Variants in SEPTIN4 observed in about 807,000 individuals in gnomAD.
The protein encoded by SEPTIN4 is septin 4, also known as septin-4.
Under a neutral mutation model 107.1 loss-of-function variants are expected in SEPTIN4, and 52 were observed. The ratio of observed to expected loss-of-function variants is 0.49; its 90% CI spans 0.39 to 0.61. SEPTIN4 has a LOEUF of 0.61. Ranked by LOEUF, SEPTIN4 falls within the 20% of genes least tolerant of loss-of-function variation. SEPTIN4 has a pLI of 0.00. For missense variants in SEPTIN4, 1,048 were observed against 1,243.5 expected (o/e 0.84, Z 2.36); for synonymous variants, 417 against 467.0 (o/e 0.89, Z 1.38).
intron 3 of SEPTIN4, chr17:58,532,117 C>T (rs1377932736): frequency 1.9e-6 from 2 of 1,052,442 alleles, no homozygotes; most frequent in Non-Finnish European, 2.3e-6. Context: ...CGGAGCGAGT[C>T]GGCCCCGGGG....
Position 58,525,204 on chromosome 17 carries a change from G to GGAGAAGGGGAAA in SEPTIN4, c.2093-4_2093-3insTTTCCCCTTCTC, listed in dbSNP as rs1387889289. ...CTCCACAGTTTGCATGATCCTCTCT[G>GGAGAAGGGGAAA]GAGAAAGGGGAAACTGAGGCCAGGG... On this transcript the variant is annotated splice_polypyrimidine_tract_variant and splice_region_variant and intron_variant, in intron 6 of 13. Transcript: ENST00000672673. 6 of 1,613,576 alleles carry GGAGAAGGGGAAA rather than the reference G, an allele frequency of 3.7e-6. No individual in the cohort carries two copies. Among genetic ancestry groups the GGAGAAGGGGAAA allele is most frequent in the Middle Eastern group, 1.7e-4 (1 of 5,766 alleles).
rs766224572 is a variant in SEPTIN4 at position 58,526,989 on chromosome 17, CG to C, written c.1615-12del. On this transcript the variant is annotated splice_polypyrimidine_tract_variant and intron_variant, in intron 3 of 13. Transcript: ENST00000672673. The stretch of plus-strand genomic sequence containing the variant: ...CAGGAAACGCTTGATCTGGGGGAAG[CG>C]GGGTGGGTAGAATAGATGGGTGGTG... The C allele has an allele frequency of 7.4e-6, 12 of 1,613,202 alleles. No homozygotes were observed. The highest frequency in any genetic ancestry group is 1.0e-5 in the Non-Finnish European group (12 of 1,179,850).
Position 58,543,179 on chromosome 17 carries a change from G to T in SEPTIN4, c.1008C>A (p.Thr336=). 1 of 1,614,064 alleles carries T rather than the reference G, an allele frequency of 6.2e-7. No individual in the cohort carries two copies. Among genetic ancestry groups the T allele is most frequent in the South Asian group, 1.1e-5 (1 of 91,068 alleles). The change falls in exon 1 of 14, where the codon ACC becomes ACA. Residue 336 remains threonine (T), a synonymous_variant. Transcript: ENST00000672673. ...CTACTGACTGTACCCCTGGGGAGAT[G>T]GTGACCCTGCGGCCAACCTCGCTGT... ...RGNSEVGRRV[T]ISPGVQSVEP...
At chr17:58,541,779 A>C (rs1245765894) in intron 2 of SEPTIN4, 143 bp downstream of exon 2, 1 of 1,593,156 alleles carries the variant, frequency 6.3e-7, no homozygotes, top group South Asian at 1.1e-5. Flanking sequence ...GCAAGATGAG[A>C]AGTTCCTCTG....
At chr17:58,534,391 T>G (rs1231499579) in intron 3 of SEPTIN4, among the ~76,000 whole-genome samples, 3 of 152,156 alleles carry the variant, frequency 2.0e-5, no homozygotes, top group African/African-American at 7.2e-5. Context: ...GGCCTCTGTT[T>G]CCCCCACTGA....
intron 3 of SEPTIN4, among the ~76,000 whole-genome samples, chr17:58,537,829 C>CAAAAA (rs34156939): frequency 3.3e-5 from 2 of 60,274 alleles, no homozygotes; most frequent in South Asian, 6.9e-4. Flanking sequence ...GACTCTGTCT[C>CAAAAA]AAAAAAAAAA....
At chr17:58,528,154 G>A in intron 3 of SEPTIN4, 2 of 425,214 alleles carry the variant, frequency 4.7e-6, no homozygotes, top group South Asian at 9.8e-5. Flanking sequence ...AAGCCAGTGG[G>A]GACTACCCCA....
rs762796511 is a variant in SEPTIN4, at chr17:58,521,846, G to C, written c.2359C>G (p.Pro787Ala). ...FISPFGHGLRPLDVEFMKALH... is the reference protein window; with the variant it reads ...FISPFGHGLRALDVEFMKALH... Reference sequence around the variant, plus strand: ...GCCTTCATGAATTCAACATCCAATGGCCGGAGCCTGGGGAACAGGAACCTG... The same window carrying C: ...GCCTTCATGAATTCAACATCCAATGCCCGGAGCCTGGGGAACAGGAACCTG... Residue 787 changes from proline to alanine, a missense_variant, in exon 9 of 14, where the codon CCA becomes GCA. Pro to Ala is a conservative substitution (Grantham distance 27). Transcript: ENST00000672673. The surrounding 1 kb of genome is among the most constrained non-coding windows in gnomAD (Gnocchi z 6.4). The C allele has an allele frequency of 9.4e-5, 152 of 1,614,062 alleles. 1 individual carries two copies. The highest frequency in any genetic ancestry group is 3.3e-4 in the Middle Eastern group (2 of 6,084).
In SEPTIN4 at chr17:58,526,943, T is replaced by C. The variant is rs1446209369; in HGVS notation, c.1650A>G (p.Gly550=). The change falls in exon 4 of 14, where the codon GGA becomes GGG. Residue 550 remains glycine, a synonymous_variant. Transcript: ENST00000672673. The part of the protein sequence containing the change: ...KRFLEDTTDD[G]ELSKFVKDFS... The stretch of plus-strand genomic sequence containing the variant: ...AATCCTTCACGAACTTGCTCAGTTC[T>C]CCATCATCCGTGGTGTCCTCCAGGA... 4 of 1,614,100 alleles carry C rather than the reference T, an allele frequency of 2.5e-6. No homozygotes were observed. Among genetic ancestry groups the C allele is most frequent in the Non-Finnish European group, 3.4e-6 (4 of 1,180,012 alleles).
Position 58,521,087 on chromosome 17 carries a change from C to G in SEPTIN4, c.2742G>C (p.Lys914Asn). The G allele has an allele frequency of 6.2e-7, 1 of 1,614,226 alleles. No homozygotes were observed. The highest frequency in any genetic ancestry group is 8.5e-7 in the Non-Finnish European group (1 of 1,180,044). Residue 914 changes from lysine (K) to asparagine (N), a missense_variant, in exon 12 of 14, where the codon AAG becomes AAC. Physicochemically the swap from Lys to Asn is moderately conservative, Grantham distance 94. Transcript: ENST00000672673. The surrounding 1 kb of genome is among the most constrained non-coding windows in gnomAD (Gnocchi z 6.4). Reference protein sequence around the residue: ...MLVRTHMQDLKDVTRETHYEN... With the variant: ...MLVRTHMQDLNDVTRETHYEN... ...CATAATGTGTCTCCCGTGTCACATC[C>G]TTCAGGTCCTGCATGTGGGTACGTA...
intron 7 of SEPTIN4, among the ~76,000 whole-genome samples, chr17:58,523,215 A>G (rs2042463518): frequency 6.6e-6 from 1 of 152,118 alleles, no homozygotes; most frequent in Non-Finnish European, 1.5e-5. Context: ...TCTACAAAAA[A>G]TACAAAAAAG....
At chr17:58,541,844 T>C (rs777533218) in intron 2 of SEPTIN4, 78 bp downstream of exon 2, 1 of 1,614,086 alleles carries the variant, frequency 6.2e-7, no homozygotes, top group Admixed American at 1.7e-5. Context: ...GCTCTGTAGA[T>C]ACATAGATGC....
chr17:58,524,624 T>C (rs1415668827), intron 7 of SEPTIN4: 1 of 152,074 alleles, frequency 6.6e-6, no homozygotes, highest in Non-Finnish European at 1.5e-5. Flanking sequence ...TATAGTGCAG[T>C]AGTGCAATCA....
Position 58,543,361 on chromosome 17 carries a change from A to G in SEPTIN4, c.826T>C (p.Ser276Pro). The stretch of plus-strand genomic sequence containing the variant: ...ACACCATCAGAATCTTTAAGGACAG[A>G]GAGTTTGAGCAATGAGTCCAAGTTC... ...NMNLDSLLKL[S>P]VLKDSDGVHR... Residue 276 changes from serine to proline, a missense_variant, in exon 1 of 14, where the codon TCT (serine) becomes CCT (proline). Physicochemically the swap from Ser to Pro is moderately conservative, Grantham distance 74. Around this residue, in one of 2 missense-constraint regions of SEPTIN4, gnomAD observed 787 missense variants for 871.8 expected, o/e 0.90. Transcript: ENST00000672673. The G allele has an allele frequency of 6.2e-7, 1 of 1,614,170 alleles. No homozygotes were observed. Among genetic ancestry groups the G allele is most frequent in the East Asian group, 2.2e-5 (1 of 44,884 alleles).
chr17:58,521,445 A>C lies in SEPTIN4; in HGVS notation c.2572-95T>G. ...CTTCTCTGCTTCATTCTAGGAAGCC[A>C]GGGTCCTTTCCCACCCTGATAGCCT... On this transcript the variant is annotated intron_variant, in intron 10 of 13. Coordinates refer to ENST00000672673, the MANE Select transcript of SEPTIN4 (RefSeq NM_001368771.2). The surrounding 1 kb of genome is among the most constrained non-coding windows in gnomAD (Gnocchi z 6.4). The C allele has an allele frequency of 6.4e-7, 1 of 1,556,354 alleles. No individual in the cohort carries two copies. The highest frequency in any genetic ancestry group is 8.9e-7 in the Non-Finnish European group (1 of 1,127,932).
In SEPTIN4 at chr17:58,543,077, G is replaced by A; in HGVS notation, c.1110C>T (p.Pro370=). ...HKSSMFVTPE[P]IYKQQTQKPP... is the part of the protein sequence containing the mutation. ...GTTTTTGGGTTTGCTGTTTATAGAT[G>A]GGCTCTGGAGTAACAAACATGGATG... The change falls in exon 1 of 14, where the codon CCC becomes CCT. Residue 370 remains proline (P), a synonymous_variant. Coordinates refer to ENST00000672673, the MANE Select transcript of SEPTIN4 (RefSeq NM_001368771.2). 1.2e-6 allele frequency: 2 copies of A among 1,612,268 alleles called. No homozygotes were observed. The highest frequency in any genetic ancestry group is 1.7e-6 in the Non-Finnish European group (2 of 1,179,246).
At chr17:58,537,269 T>C (rs1433535459) in intron 3 of SEPTIN4, among the ~76,000 whole-genome samples, 1 of 152,230 alleles carries the variant, frequency 6.6e-6, no homozygotes, top group Non-Finnish European at 1.5e-5. Flanking sequence ...TTGTATTAGG[T>C]GACCACCTGT....
rs181185998 is a variant in SEPTIN4 at position 58,541,705 on chromosome 17, G to A, written c.1606+217C>T. ...TCCAGAAGTAACTTCCTGTTAAAAG[G>A]AGACTCTTGAAAATGGAAAAGGTTC... On this transcript the variant is annotated intron_variant, in intron 2 of 13. Transcript: ENST00000672673. 3,365 of 1,356,120 alleles carry A rather than the reference G, an allele frequency of 2.5e-3. 5 individuals carry two copies. Among genetic ancestry groups the A allele is most frequent in the Middle Eastern group, 6.5e-3 (34 of 5,234 alleles). The allele number at this position is 1,356,120 out of a possible 1,614,324, so 84.0% of individuals were successfully genotyped here.
rs375557025 is a variant in SEPTIN4, at chr17:58,542,852, C to A, written c.1335G>T (p.Pro445=). ...AAGGAGAGCACTTAGGCTCAAAATC[C>A]GGTGTTGTCAGCTGGCTTTGGGGTG... is the stretch of plus-strand genomic sequence containing the variant. The part of the protein sequence containing the change: ...VETPQSQLTT[P]DFEPKCSPSL... Residue 445 remains proline (P), a synonymous_variant, in exon 1 of 14, where the codon CCG becomes CCT. Transcript: ENST00000672673. 1 of 1,614,138 alleles carries A rather than the reference C, an allele frequency of 6.2e-7. No individual in the cohort carries two copies. Among genetic ancestry groups the A allele is most frequent in the Non-Finnish European group, 8.5e-7 (1 of 1,180,024 alleles).
Sources: gnomAD v4.1 joint callset for allele counts (sites outside exome capture counted in the v4.1 genomes callset) on GRCh38, gnomAD v4.1.1 for gene constraint, gnomAD v4.1.1 regional missense constraint, Gnocchi (gnomAD v3.1) non-coding constraint, MANE v1.5 for transcripts, NCBI Gene and HGNC (gene_info 2026-07-23, HGNC 2026-07-21) for gene names.